RPH3A: variants seen among roughly 807,000 people sequenced by gnomAD.
The protein encoded by RPH3A is rabphilin 3A, also known as rabphilin-3A.
A neutral mutation model predicts 102.2 loss-of-function variants in RPH3A; 48 were observed. The ratio of observed to expected loss-of-function variants is 0.47; its 90% CI spans 0.37 to 0.60. The LOEUF is 0.60. Among genes scored for constraint, RPH3A ranks in the 20% least tolerant of loss-of-function variants. The pLI is 0.00. For missense variants in RPH3A, 781 were observed against 910.1 expected (o/e 0.86, Z 1.83); for synonymous variants, 310 against 324.3 (o/e 0.96, Z 0.47).
chr12:112,849,329 G>T (rs748426369), intron 5 of RPH3A, among the ~76,000 whole-genome samples: 3 of 152,092 alleles, frequency 2.0e-5, no homozygotes, highest in Non-Finnish European at 4.4e-5. Context: ...GGTCTGAGAG[G>T]CTTGCTTATG....
intron 1 of RPH3A, among the ~76,000 whole-genome samples, chr12:112,628,165 CCAAACCATATCA>C (rs757019659): frequency 3.3e-5 from 5 of 151,914 alleles, no homozygotes; most frequent in Admixed American, 6.6e-5. Context: ...GGACACAAAT[CCAAACCATATCA>C]CAAGGTGACG....
intron 1 of RPH3A, among the ~76,000 whole-genome samples, chr12:112,688,979 T>C (rs1276463612): frequency 6.6e-6 from 1 of 152,220 alleles, no homozygotes; most frequent in African/African-American, 2.4e-5. Flanking sequence ...AAGACTAAAA[T>C]TTAGATCTTT....
intron 1 of RPH3A, among the ~76,000 whole-genome samples, chr12:112,776,873 CAAAAAAAAAAAAAAAAAAAAAAAAAAA>C (rs548377186): frequency 5.4e-5 from 4 of 73,910 alleles, no homozygotes; most frequent in African/African-American, 1.7e-4. Flanking sequence ...GACTCCATCT[CAAAAAAAAAAAAAAAAAAAAAAAAAAA>C]AAAAAAAAAA....
chr12:112,876,794 G>C lies in RPH3A; in HGVS notation c.1099G>C (p.Ala367Pro). ...AGCATCTGCAGCTGCCCCCCAGCCTGCTGCAGCCCGCCAGCCACCACCCCC... is the reference window on the plus strand; with the variant it reads ...AGCATCTGCAGCTGCCCCCCAGCCTCCTGCAGCCCGCCAGCCACCACCCCC... Reference protein sequence around the residue: ...SQASAAAPQPAAARQPPPPEE... With the variant: ...SQASAAAPQPPAARQPPPPEE... The change falls in exon 13 of 22, where the codon GCT (alanine) becomes CCT (proline). Residue 367 changes from alanine to proline, a missense_variant. Around this residue, in one of 2 missense-constraint regions of RPH3A, gnomAD observed 730 missense variants for 810.0 expected, o/e 0.90. Coordinates refer to ENST00000389385, the MANE Select transcript of RPH3A (RefSeq NM_001143854.2). 6.2e-7 allele frequency: 1 copy of C among 1,609,980 alleles called. No individual in the cohort carries two copies. The highest frequency in any genetic ancestry group is 1.1e-5 in the South Asian group (1 of 90,176).
At chr12:112,840,638 C>T (rs1364374891) in intron 4 of RPH3A, among the ~76,000 whole-genome samples, 1 of 152,200 alleles carries the variant, frequency 6.6e-6, no homozygotes, top group African/African-American at 2.4e-5. Flanking sequence ...GGCTGCCCCT[C>T]TGCACTGCCC....
chr12:112,673,269 G>A (rs1229553202), intron 1 of RPH3A, among the ~76,000 whole-genome samples: 2 of 152,106 alleles, frequency 1.3e-5, no homozygotes, highest in African/African-American at 2.4e-5. Flanking sequence ...TGAGGGAGGT[G>A]GGCCATGGAT....
intron 1 of RPH3A, among the ~76,000 whole-genome samples, chr12:112,654,920 GTTC>G (rs1249711483): frequency 1.3e-5 from 2 of 152,316 alleles, no homozygotes; most frequent in Admixed American, 6.5e-5. Context: ...TGAAAGGCTT[GTTC>G]TTCTCCTCTA....
At position 112,824,160 on chromosome 12, in the gene RPH3A, G is replaced by A. The variant is rs142150871; in HGVS notation, c.-18-4141G>A. ...GCAGCAGAGGAAGCTAGGCGAGGGC[G>A]TGGCTTCACCTGAAGTCTGGCCTCA... On this transcript the variant is annotated intron_variant, in intron 2 of 21. Transcript: ENST00000389385. Among the ~76,000 whole-genome samples the A allele has an allele frequency of 3.3e-3, 510 of 152,340 alleles. 4 individuals are homozygous for A. Among genetic ancestry groups the A allele is most frequent in the African/African-American group, 0.012 (479 of 41,578 alleles).
intron 2 of RPH3A, among the ~76,000 whole-genome samples, chr12:112,825,324 C>G (rs892353170): frequency 6.6e-6 from 1 of 152,168 alleles, no homozygotes; most frequent in African/African-American, 2.4e-5. Flanking sequence ...GTCCAACCAG[C>G]ATTCCCCTCC....
At chr12:112,691,470 T>C (rs2040307033) in intron 1 of RPH3A, among the ~76,000 whole-genome samples, 1 of 152,254 alleles carries the variant, frequency 6.6e-6, no homozygotes, top group African/African-American at 2.4e-5. Flanking sequence ...CTTTTATTTT[T>C]ACTTAAAAAC....
At chr12:112,774,394 T>C (rs2040950020) in intron 1 of RPH3A, among the ~76,000 whole-genome samples, 1 of 152,214 alleles carries the variant, frequency 6.6e-6, no homozygotes. Context: ...CATTAAACCT[T>C]ATCCAGCTGC....
chr12:112,606,301 G>A (rs535495465), intron 1 of RPH3A, among the ~76,000 whole-genome samples: 10 of 152,276 alleles, frequency 6.6e-5, no homozygotes, highest in South Asian at 4.1e-4. Flanking sequence ...TAGGGTTAGG[G>A]CAAGTATATT....
chr12:112,761,453 T>A (rs1434029425), intron 1 of RPH3A, among the ~76,000 whole-genome samples: 1 of 152,230 alleles, frequency 6.6e-6, no homozygotes, highest in African/African-American at 2.4e-5. Context: ...CAGGCAACAC[T>A]ATGGTGTGAG....
chr12:112,853,235 G>A (rs573273404), intron 5 of RPH3A, among the ~76,000 whole-genome samples: 1 of 152,230 alleles, frequency 6.6e-6, no homozygotes, highest in Admixed American at 6.5e-5. Context: ...CCAACCATAA[G>A]CCAGGTCATA....
At chr12:112,895,079 A>G (rs1296897027) in intron 20 of RPH3A, among the ~76,000 whole-genome samples, 1 of 152,094 alleles carries the variant, frequency 6.6e-6, no homozygotes, top group Non-Finnish European at 1.5e-5. Context: ...GAACATATGT[A>G]CTCAGTCCAC....
intron 1 of RPH3A, among the ~76,000 whole-genome samples, chr12:112,669,866 T>C (rs1298408365): frequency 1.3e-5 from 2 of 152,236 alleles, no homozygotes; most frequent in Non-Finnish European, 1.5e-5. Context: ...AATGTGTTAA[T>C]GAAAATGACT....
At chr12:112,624,331 A>T (rs200995470) in intron 1 of RPH3A, among the ~76,000 whole-genome samples, 40,187 of 150,104 alleles carry the variant, frequency 0.27, 6,733 homozygotes, top group East Asian at 0.64. Flanking sequence ...ATAAAGAAAA[A>T]AAGAAGAATC....
chr12:112,677,082 T>C (rs563480213), intron 1 of RPH3A, among the ~76,000 whole-genome samples: 4 of 152,262 alleles, frequency 2.6e-5, no homozygotes, highest in South Asian at 2.1e-4. Flanking sequence ...AAAAAGATAG[T>C]TCCTCTCTGG....
chr12:112,867,160 T>A (rs1055105877), intron 7 of RPH3A, among the ~76,000 whole-genome samples: 1 of 152,138 alleles, frequency 6.6e-6, no homozygotes, highest in Non-Finnish European at 1.5e-5. Context: ...TCCATTTTTT[T>A]ATTTCCTCAC....
Sources: allele counts gnomAD v4.1 joint callset (sites outside exome capture counted in the v4.1 genomes callset), GRCh38; gene constraint gnomAD v4.1.1; regional missense constraint gnomAD v4.1.1; transcripts MANE v1.5; gene names NCBI Gene and HGNC (gene_info 2026-07-23, HGNC 2026-07-21).